LYRM4: variants seen among roughly 807,000 people sequenced by gnomAD.
The protein encoded by LYRM4 is LYR motif containing 4, also known as LYR motif-containing protein 4.
LYRM4 carries 9 observed loss-of-function variants against 11.7 expected under a neutral mutation model. That is an observed-to-expected ratio of 0.77 (90% confidence interval 0.46 to 1.34). LYRM4 has a LOEUF of 1.34. Ranked by LOEUF, LYRM4 falls within the 40% of genes most tolerant of loss-of-function variation. The probability of loss-of-function intolerance (pLI) is 0.00; values close to 1 mark genes in which losing one functional copy is unlikely to be tolerated. For synonymous variants in LYRM4, 42 were observed against 40.4 expected, an observed-to-expected ratio of 1.04 and a Z score of -0.15; for missense variants, 133 against 112.5, an observed-to-expected ratio of 1.18 and a Z score of -0.82.
intron 1 of LYRM4, 117 bp downstream of exon 1, chr6:5,260,531 G>T: frequency 7.2e-7 from 1 of 1,385,128 alleles, no homozygotes; most frequent in Non-Finnish European, 9.7e-7. Context: ...TCCTTGCCTC[G>T]CAGCCGCCGG....
At chr6:5,185,689 C>T (rs1043002594) in intron 2 of LYRM4, among the ~76,000 whole-genome samples, 16 of 152,196 alleles carry the variant, frequency 1.1e-4, no homozygotes, top group African/African-American at 3.9e-4. Flanking sequence ...TGGCAGAGAT[C>T]TGAACCCAGG....
At chr6:5,134,713 A>T (rs1431464414) in intron 2 of LYRM4, among the ~76,000 whole-genome samples, 1 of 152,260 alleles carries the variant, frequency 6.6e-6, no homozygotes, top group Non-Finnish European at 1.5e-5. Flanking sequence ...ATGGATACAC[A>T]GGACTCATTT....
In LYRM4 at chr6:5,118,778, G is replaced by C. The variant is rs113612613; in HGVS notation, c.208-9287C>G. On this transcript the variant is annotated intron_variant, in intron 2 of 2. Transcript: ENST00000330636. ...GTATTTTTTCAGTCTGTTCTGTATA[G>C]CAGCAAGAAGTATTGTGAAACCCAA... 5.9e-3 allele frequency among the ~76,000 whole-genome samples: 893 copies of C among 152,254 alleles called. 5 individuals are homozygous for C. Among genetic ancestry groups the C allele is most frequent in the African/African-American group, 0.021 (855 of 41,544 alleles).
At chr6:5,034,079 G>C in the LYRM4 span, 1 of 152,328 alleles carries the variant, frequency 6.6e-6, no homozygotes, top group Non-Finnish European at 1.5e-5. Flanking sequence ...ATGTCCCCAG[G>C]CACGGTGCTG....
At chr6:5,046,182 C>T in the LYRM4 span, among the ~76,000 whole-genome samples, 3 of 152,106 alleles carry the variant, frequency 2.0e-5, no homozygotes, top group South Asian at 2.1e-4. Flanking sequence ...AGTCTCACTC[C>T]GTTTCCCACG....
chr6:5,101,397 T>C (rs1244637433), downstream of LYRM4, among the ~76,000 whole-genome samples: 2 of 152,234 alleles, frequency 1.3e-5, no homozygotes, highest in Non-Finnish European at 2.9e-5. Flanking sequence ...AGTTATTGCT[T>C]ACTGTGTATT....
chr6:5,239,504 G>A (rs34449449), intron 1 of LYRM4, among the ~76,000 whole-genome samples: 7,442 of 152,076 alleles, frequency 0.049, 598 homozygotes, highest in African/African-American at 0.16. Context: ...GGAGGGTGTG[G>A]GAAGGTCAAG....
the LYRM4 span, among the ~76,000 whole-genome samples, chr6:5,057,594 AAT>A: frequency 6.6e-6 from 1 of 151,964 alleles, no homozygotes; most frequent in African/African-American, 2.4e-5. Flanking sequence ...TGGCGCCTGT[AAT>A]CCCAGCTACT....
At chr6:5,213,978 A>C (rs1409536747) in intron 2 of LYRM4, among the ~76,000 whole-genome samples, 1 of 152,210 alleles carries the variant, frequency 6.6e-6, no homozygotes. Flanking sequence ...TGAGAGGTTA[A>C]ATATCTTGCT....
the LYRM4 span, among the ~76,000 whole-genome samples, chr6:5,073,684 C>T: frequency 7.9e-5 from 12 of 151,380 alleles, no homozygotes; most frequent in Admixed American, 7.3e-4. Context: ...TCCATGATCA[C>T]CATAAAATAA....
rs1469038492 is a variant in LYRM4, at chr6:5,174,768, CCT to C, written c.207+41848_207+41849del. ...GTATATATAAACATATATTATCCCC[CCT>C]CTCTTTTGAACAGATGTTGTCATGC... On this transcript the variant is annotated intron_variant, in intron 2 of 2. Coordinates refer to ENST00000330636, the MANE Select transcript of LYRM4 (RefSeq NM_020408.6). Among the ~76,000 whole-genome samples the C allele has an allele frequency of 2.6e-5, 4 of 152,092 alleles. 1 individual carries two copies. Among genetic ancestry groups the C allele is most frequent in the South Asian group, 4.2e-4 (2 of 4,814 alleles).
chr6:5,217,714 A>G (rs1762354774), intron 1 of LYRM4, among the ~76,000 whole-genome samples: 1 of 152,220 alleles, frequency 6.6e-6, no homozygotes, highest in Admixed American at 6.5e-5. Flanking sequence ...GCATCCTTAC[A>G]GTCACACCAT....
the LYRM4 span, among the ~76,000 whole-genome samples, chr6:5,071,606 ATG>A: frequency 9.3e-5 from 14 of 151,122 alleles, no homozygotes; most frequent in Middle Eastern, 3.2e-3. Flanking sequence ...GTGTGTATGT[ATG>A]TGTGTGTGTA....
chr6:5,073,498 C>CTA, the LYRM4 span, among the ~76,000 whole-genome samples: 2 of 147,974 alleles, frequency 1.4e-5, no homozygotes, highest in Admixed American at 6.8e-5. Flanking sequence ...ATATATATCT[C>CTA]TATATATATC....
chr6:5,032,805 A>G, the LYRM4 span: 4 of 152,144 alleles, frequency 2.6e-5, no homozygotes, highest in East Asian at 1.9e-4. Context: ...TTGCAGCCCA[A>G]ATGTGCTGTG....
intron 2 of LYRM4, among the ~76,000 whole-genome samples, chr6:5,133,314 C>T (rs1048521063): frequency 2.6e-5 from 4 of 152,210 alleles, no homozygotes; most frequent in African/African-American, 9.6e-5. Flanking sequence ...TGACTGTAGG[C>T]AGCAGATTCC....
chr6:5,228,532 T>C (rs1422369969), intron 1 of LYRM4, among the ~76,000 whole-genome samples: 3 of 151,918 alleles, frequency 2.0e-5, no homozygotes, highest in African/African-American at 7.3e-5. Context: ...CCTGCCTTGG[T>C]CTCCCAAAGT....
intron 2 of LYRM4, among the ~76,000 whole-genome samples, chr6:5,112,033 C>T (rs1053800911): frequency 2.1e-4 from 32 of 152,152 alleles, no homozygotes; most frequent in African/African-American, 7.7e-4. Flanking sequence ...AAGGGACAGT[C>T]GTGGCAGACA....
In LYRM4 at chr6:5,260,893, G is replaced by C. The variant is rs1001719148; in HGVS notation, c.-160C>G. On this transcript the variant is annotated 5_prime_UTR_variant, in exon 1 of 3. In the 5' UTR this introduces an upstream ATG that the reference lacks. Transcript: ENST00000330636. The stretch of plus-strand genomic sequence containing the variant: ...CTAAGCCTAAGCGGGCAGCCCTGCG[G>C]ATCGCGGACGGCGCCAGGCGTCCCG... The C allele has an allele frequency of 7.1e-7, 1 of 1,402,554 alleles. No individual in the cohort carries two copies. The highest frequency in any genetic ancestry group is 3.1e-5 in the Admixed American group (1 of 32,660). The allele number at this position is 1,402,554 out of a possible 1,614,324, so 86.9% of individuals were successfully genotyped here. A position where few individuals can be genotyped will look rare whatever the true frequency, so the allele number is the denominator to read the frequency against.
Sources: allele counts gnomAD v4.1 joint callset (sites outside exome capture counted in the v4.1 genomes callset), GRCh38; gene constraint gnomAD v4.1.1; transcripts MANE v1.5; gene names NCBI Gene and HGNC (gene_info 2026-07-23, HGNC 2026-07-21).